Variants in NPHS2 observed in about 807,000 individuals in gnomAD.
The protein encoded by NPHS2 is podocin.
Under a neutral mutation model 37.1 loss-of-function variants are expected in NPHS2, and 36 were observed. That is an observed-to-expected ratio of 0.97 (90% CI 0.74 to 1.28). NPHS2 has a LOEUF of 1.28. Among genes scored for constraint, NPHS2 ranks in the 50% most tolerant of loss-of-function variants. The pLI, the probability that NPHS2 is intolerant of heterozygous loss-of-function variation, is 0.00. For missense variants in NPHS2, 447 were observed against 488.1 expected (o/e 0.92, Z 0.79); for synonymous variants, 196 against 189.3 (o/e 1.04, Z -0.29).
chr1:179,568,696 A>G (rs966879729), intron 1 of NPHS2, among the ~76,000 whole-genome samples: 13 of 152,210 alleles, frequency 8.5e-5, no homozygotes, highest in Non-Finnish European at 1.5e-4. Context: ...TTAGTGCTAT[A>G]AATTTTCCTC....
At chr1:179,572,663 A>C (rs868578438) in intron 1 of NPHS2, among the ~76,000 whole-genome samples, 22 of 152,214 alleles carry the variant, frequency 1.4e-4, no homozygotes, top group African/African-American at 4.8e-4. Context: ...TTACTAAAGC[A>C]ATATTATTTG....
chr1:179,555,575 G>T (rs114908556), intron 5 of NPHS2, among the ~76,000 whole-genome samples: 1,613 of 152,300 alleles, frequency 0.011, 42 homozygotes, highest in African/African-American at 0.037. Context: ...GACTAATTTG[G>T]GGGTGTGGGT....
chr1:179,571,461 G>A (rs112377407), intron 1 of NPHS2, among the ~76,000 whole-genome samples: 23,381 of 152,092 alleles, frequency 0.15, 2,189 homozygotes, highest in Admixed American at 0.21. Context: ...GGGGGCAGCC[G>A]CCTATATGAG....
intron 1 of NPHS2, among the ~76,000 whole-genome samples, chr1:179,574,955 A>C (rs1428055848): frequency 6.6e-6 from 1 of 152,100 alleles, no homozygotes; most frequent in Non-Finnish European, 1.5e-5. Context: ...ACTTTGTGCA[A>C]AGTGCTTTGG....
intron 2 of NPHS2, among the ~76,000 whole-genome samples, chr1:179,563,590 T>C (rs184100329): frequency 1.3e-5 from 2 of 152,192 alleles, no homozygotes; most frequent in South Asian, 2.1e-4. Flanking sequence ...TTAAACAAAC[T>C]TAAAAGGATT....
chr1:179,565,093 A>G (rs1180754988), intron 1 of NPHS2, among the ~76,000 whole-genome samples: 1 of 151,956 alleles, frequency 6.6e-6, no homozygotes, highest in Non-Finnish European at 1.5e-5. Context: ...CAACATAGTG[A>G]GATCCTGTCT....
chr1:179,574,062 C>G (rs1436656638), intron 1 of NPHS2, among the ~76,000 whole-genome samples: 2 of 152,104 alleles, frequency 1.3e-5, no homozygotes, highest in Non-Finnish European at 2.9e-5. Flanking sequence ...CTCTGTTCCC[C>G]GTGAGCTTCA....
chr1:179,575,664 C>A lies in NPHS2; in HGVS notation c.201G>T (p.Val67=). The A allele has an allele frequency of 1.2e-6, 2 of 1,603,202 alleles. No homozygotes were observed. The highest frequency in any genetic ancestry group is 1.7e-6 in the Non-Finnish European group (2 of 1,179,478). The part of the protein sequence containing the change: ...PRAPAATVVD[V]DEVRGSGEEG... ...CCTCGCCGGAGCCTCGGACCTCATCCACGTCCACCACCGTGGCGGCGGGCG... is the reference window on the plus strand; with the variant it reads ...CCTCGCCGGAGCCTCGGACCTCATCAACGTCCACCACCGTGGCGGCGGGCG... The change falls in exon 1 of 8, where the codon GTG becomes GTT. Residue 67 remains valine, a synonymous_variant. Transcript: ENST00000367615.
chr1:179,565,340 T>C (rs1674294515), intron 1 of NPHS2, among the ~76,000 whole-genome samples: 3 of 152,104 alleles, frequency 2.0e-5, no homozygotes, highest in African/African-American at 7.2e-5. Flanking sequence ...GTGAAGAAGG[T>C]CTGGATTCCA....
Position 179,575,851 on chromosome 1 carries a change from GC to G in NPHS2, c.13del (p.Ala5ArgfsTer94). MERR[A>X]RSSSRESRGR... is the part of the protein sequence containing the mutation. ...GCGGGACTCCCTGGAGGAGCTCCGC[GC>G]CCTCCTCTCCATCCTCAGAGCTGCC... On this transcript the variant is annotated frameshift_variant, in exon 1 of 8. Transcript: ENST00000367615. LOFTEE classifies it high-confidence loss of function. 1 of 1,425,822 alleles carries G rather than the reference GC, an allele frequency of 7.0e-7. No individual in the cohort carries two copies. Among genetic ancestry groups the G allele is most frequent in the African/African-American group, 1.5e-5 (1 of 66,926 alleles). The allele number at this position is 1,425,822 out of a possible 1,614,324, so 88.3% of individuals were successfully genotyped here. A position where few individuals can be genotyped will look rare whatever the true frequency, so the allele number is the denominator to read the frequency against.
At chr1:179,565,817 T>C (rs10913818) in intron 1 of NPHS2, among the ~76,000 whole-genome samples, 71,348 of 150,708 alleles carry the variant, frequency 0.47, 17,439 homozygotes, top group African/African-American at 0.58. Context: ...TGAAAACATG[T>C]GGTGTTTGCT....
chr1:179,573,965 A>T (rs1459737487), intron 1 of NPHS2, among the ~76,000 whole-genome samples: 2 of 152,220 alleles, frequency 1.3e-5, no homozygotes, highest in African/African-American at 4.8e-5. Context: ...CATTTTGGTG[A>T]GGTGAAGCGC....
intron 1 of NPHS2, among the ~76,000 whole-genome samples, chr1:179,567,361 T>C (rs1480543006): frequency 6.6e-6 from 1 of 152,236 alleles, no homozygotes; most frequent in Non-Finnish European, 1.5e-5. Flanking sequence ...GATTTGGCTC[T>C]CTGTTTTTCT....
At position 179,552,590 on chromosome 1, in the gene NPHS2, A is replaced by T. The variant is rs753302985; in HGVS notation, c.873+13T>A. On this transcript the variant is annotated intron_variant, in intron 7 of 7. Transcript: ENST00000367615. The stretch of plus-strand genomic sequence containing the variant: ...CCTAAAGGGCAGTCTGGGTGGGAGG[A>T]TGGAGTGCTCACCCGCACTTTGGCT... The T allele has an allele frequency of 6.2e-7, 1 of 1,609,728 alleles. No individual in the cohort carries two copies. Among genetic ancestry groups the T allele is most frequent in the Non-Finnish European group, 8.5e-7 (1 of 1,176,516 alleles).
At chr1:179,566,342 G>C (rs554813917) in intron 1 of NPHS2, among the ~76,000 whole-genome samples, 6 of 152,158 alleles carry the variant, frequency 3.9e-5, no homozygotes, top group African/African-American at 1.4e-4. Flanking sequence ...TTTTTCATGT[G>C]TCTGTTGGCT....
At position 179,551,440 on chromosome 1, in the gene NPHS2, T is replaced by G. The variant is rs146940071; in HGVS notation, c.885A>C (p.Ala295=). ...ACTCAGAAGCAGCCTTTTCCGCTTC[T>G]GCAGCAATCATCTAGAAAACATGTG... The part of the protein sequence containing the change: ...QRQAKVRMIA[A]EAEKAASESL... Residue 295 remains alanine (A), a synonymous_variant, in exon 8 of 8, where the codon GCA becomes GCC. Coordinates refer to ENST00000367615, the MANE Select transcript of NPHS2 (RefSeq NM_014625.4). 2 of 1,613,426 alleles carry G rather than the reference T, an allele frequency of 1.2e-6. No individual in the cohort carries two copies. The highest frequency in any genetic ancestry group is 2.2e-5 in the South Asian group (2 of 91,042).
chr1:179,565,410 G>A (rs185795238), intron 1 of NPHS2, among the ~76,000 whole-genome samples: 8 of 152,238 alleles, frequency 5.3e-5, no homozygotes, highest in South Asian at 2.1e-4. Flanking sequence ...ACCTTTTCAC[G>A]CCTCAGTTTC....
rs1673937577 is a variant in NPHS2 at position 179,556,555 on chromosome 1, ATC to A, written c.738+470_738+471del. Among the ~76,000 whole-genome samples, 1 of 152,236 alleles carries A rather than the reference ATC, an allele frequency of 6.6e-6. No individual in the cohort carries two copies. The highest frequency in any genetic ancestry group is 2.4e-5 in the African/African-American group (1 of 41,472). On this transcript the variant is annotated intron_variant, in intron 5 of 7. Transcript: ENST00000367615. This position sits in a 1 kb window ranked among gnomAD's most constrained non-coding sequence, Gnocchi z 4.1. ...ATCTAGACAATGGATTGGGTAATTCATCATGTAAAGGTCTATGACATCTTAGC... is the reference window on the plus strand; with the variant it reads ...ATCTAGACAATGGATTGGGTAATTCAATGTAAAGGTCTATGACATCTTAGC...
intron 1 of NPHS2, among the ~76,000 whole-genome samples, chr1:179,571,939 G>C (rs958037372): frequency 6.6e-6 from 1 of 152,162 alleles, no homozygotes; most frequent in East Asian, 1.9e-4. Context: ...ACAGTATTTG[G>C]GTGTGAGTGT....
Sources: gnomAD v4.1 joint callset for allele counts (sites outside exome capture counted in the v4.1 genomes callset) on GRCh38, gnomAD v4.1.1 for gene constraint, Gnocchi (gnomAD v3.1) non-coding constraint, MANE v1.5 for transcripts, NCBI Gene and HGNC (gene_info 2026-07-23, HGNC 2026-07-21) for gene names.